The following CRPPA variants were observed in gnomAD, a reference collection of about 807,000 sequenced individuals.
CRPPA encodes CDP-L-ribitol pyrophosphorylase A.
Under a neutral mutation model 52.0 loss-of-function variants are expected in CRPPA, and 43 were observed. The ratio of observed to expected loss-of-function variants is 0.83; its 90% confidence interval spans 0.65 to 1.07. The LOEUF is 1.07. Among genes scored for constraint, CRPPA ranks in the 50% least tolerant of loss-of-function variants. CRPPA has a pLI of 0.00. For missense variants in CRPPA, 629 were observed against 551.7 expected (o/e 1.14, Z -1.40); for synonymous variants, 250 against 203.5 (o/e 1.23, Z -1.94).
chr7:16,238,604 G>T (rs1783014037), intron 8 of CRPPA, among the ~76,000 whole-genome samples: 1 of 152,066 alleles, frequency 6.6e-6, no homozygotes, highest in South Asian at 2.1e-4. Flanking sequence ...AGGAGGATAA[G>T]AAATGGACAA....
At chr7:16,187,058 TTTA>T (rs1408067821) in intron 9 of CRPPA, among the ~76,000 whole-genome samples, 4 of 152,160 alleles carry the variant, frequency 2.6e-5, no homozygotes, top group African/African-American at 7.2e-5. Context: ...TTTTAATAAT[TTTA>T]TTTTTATTAA....
chr7:16,098,374 G>A (rs1203555116), intron 9 of CRPPA, among the ~76,000 whole-genome samples: 2 of 152,118 alleles, frequency 1.3e-5, no homozygotes, highest in African/African-American at 4.8e-5. Context: ...GTTTCTTTAA[G>A]GGTAAACATT....
chr7:16,193,585 T>C (rs1022728559), intron 9 of CRPPA, among the ~76,000 whole-genome samples: 1 of 152,112 alleles, frequency 6.6e-6, no homozygotes, highest in Admixed American at 6.6e-5. Flanking sequence ...TATTTTAAGT[T>C]TCTGCTCATA....
At chr7:16,242,774 A>T (rs1227190241) in intron 8 of CRPPA, among the ~76,000 whole-genome samples, 1 of 152,208 alleles carries the variant, frequency 6.6e-6, no homozygotes, top group Non-Finnish European at 1.5e-5. Context: ...CCAATTAAAA[A>T]AAAATTTTTT....
At chr7:16,327,665 A>G (rs1469929166) in intron 3 of CRPPA, among the ~76,000 whole-genome samples, 1 of 151,336 alleles carries the variant, frequency 6.6e-6, no homozygotes, top group Non-Finnish European at 1.5e-5. Context: ...GGAGATACAC[A>G]TGCTCTTCCC....
intron 3 of CRPPA, among the ~76,000 whole-genome samples, chr7:16,342,772 A>AT (rs372907234): frequency 1.9e-4 from 7 of 36,710 alleles, no homozygotes; most frequent in East Asian, 1.5e-3. Context: ...ACAAAAAAAA[A>AT]AAAAAAAAAA....
chr7:16,390,963 T>C (rs546226984), intron 2 of CRPPA, among the ~76,000 whole-genome samples: 11 of 152,292 alleles, frequency 7.2e-5, no homozygotes, highest in African/African-American at 2.6e-4. Context: ...ATAAATTTTA[T>C]TTAACACAAT....
Position 16,376,402 on chromosome 7 carries a change from C to T in CRPPA, c.535-161G>A, listed in dbSNP as rs188286798. ...GTGATTGGTTCAAAAATGGTTATTT[C>T]AGGTAAAAAAAATCAATTTTGTAGT... On this transcript the variant is annotated intron_variant, in intron 2 of 9. Transcript: ENST00000407010. Among the ~76,000 whole-genome samples the T allele has an allele frequency of 2.7e-3, 416 of 152,030 alleles. 4 individuals are homozygous for T. Among genetic ancestry groups the T allele is most frequent in the African/African-American group, 9.3e-3 (385 of 41,420 alleles).
chr7:16,093,326 C>T (rs1008564986), intron 9 of CRPPA, among the ~76,000 whole-genome samples: 1 of 152,136 alleles, frequency 6.6e-6, no homozygotes, highest in Non-Finnish European at 1.5e-5. Flanking sequence ...ACTGCAATTG[C>T]TTACCTTCTT....
At chr7:16,202,831 T>A (rs1781889365) in intron 9 of CRPPA, among the ~76,000 whole-genome samples, 1 of 152,072 alleles carries the variant, frequency 6.6e-6, no homozygotes, top group African/African-American at 2.4e-5. Flanking sequence ...TATGGTAGAG[T>A]AGTAGTTCTC....
chr7:16,120,165 ATCAAACTG>A, intron 9 of CRPPA, among the ~76,000 whole-genome samples: 1 of 152,216 alleles, frequency 6.6e-6, no homozygotes, highest in Non-Finnish European at 1.5e-5. Flanking sequence ...CTTCTCCTTG[ATCAAACTG>A]TAATCAGGCT....
In CRPPA at chr7:16,421,067, T is replaced by C. The variant is rs397514548; in HGVS notation, c.256A>G (p.Arg86Gly). The C allele has an allele frequency of 7.9e-7, 1 of 1,266,660 alleles. No homozygotes were observed. The highest frequency in any genetic ancestry group is 1.0e-6 in the Non-Finnish European group (1 of 998,636). The allele number at this position is 1,266,660 out of a possible 1,614,324, so 78.5% of individuals were successfully genotyped here. The change falls in exon 1 of 10, where the codon AGA becomes GGA. Residue 86 changes from arginine (R) to glycine (G), a missense_variant and splice_region_variant. By Grantham distance (125) the Arg-to-Gly change is moderately radical. Transcript: ENST00000407010. ...LISYTLQALERVCWIKDIVVA... is the reference protein window; with the variant it reads ...LISYTLQALEGVCWIKDIVVA... The stretch of plus-strand genomic sequence containing the variant: ...GGGGCGCGCCCGGCGCCGCATTACC[T>C]CTCCAGGGCCTGTAGGGTGTAGCTG...
chr7:16,146,708 A>G (rs1273526118), intron 9 of CRPPA, among the ~76,000 whole-genome samples: 2 of 152,164 alleles, frequency 1.3e-5, no homozygotes, highest in Non-Finnish European at 2.9e-5. Context: ...TGTTATACCT[A>G]TAAGATGTTT....
rs545663821 is a variant in CRPPA at position 16,303,477 on chromosome 7, T to TAAAAAAAAAA, written c.790-2021_790-2012dup. Among the ~76,000 whole-genome samples the TAAAAAAAAAA allele has an allele frequency of 7.0e-3, 312 of 44,814 alleles. 2 individuals are homozygous for TAAAAAAAAAA. The highest frequency in any genetic ancestry group is 0.013 in the East Asian group (12 of 940). 29.4% of individuals were successfully genotyped at this position (44,814 alleles called of 152,430 possible). ...GTTTCTGTGTTGAGACATAAAATAGTAAAAAAAAAAAAAAAAAAAAAAAAA... is the reference window on the plus strand; with the variant it reads ...GTTTCTGTGTTGAGACATAAAATAGTAAAAAAAAAAAAAAAAAAAAAAAAAAAAAAAAAAA... On this transcript the variant is annotated intron_variant, in intron 4 of 9. Transcript: ENST00000407010.
chr7:16,366,795 T>TAA (rs55913250), intron 3 of CRPPA, among the ~76,000 whole-genome samples: 2 of 119,490 alleles, frequency 1.7e-5, no homozygotes, highest in African/African-American at 6.1e-5. Flanking sequence ...GGGAGAAAAA[T>TAA]AAAAAAAAAA....
intron 3 of CRPPA, among the ~76,000 whole-genome samples, chr7:16,317,262 G>A (rs1785162725): frequency 6.6e-6 from 1 of 152,140 alleles, no homozygotes; most frequent in South Asian, 2.1e-4. Flanking sequence ...TTGGGGAATG[G>A]AAGATAAAAG....
rs77016645 is a variant in CRPPA, at chr7:16,361,832, A to G, written c.684+14260T>C. Among the ~76,000 whole-genome samples the G allele has an allele frequency of 5.9e-3, 888 of 151,400 alleles. 8 individuals carry two copies. The highest frequency in any genetic ancestry group is 0.02 in the African/African-American group (822 of 41,254). On this transcript the variant is annotated intron_variant, in intron 3 of 9. Coordinates refer to ENST00000407010, the MANE Select transcript of CRPPA (RefSeq NM_001101426.4). The stretch of plus-strand genomic sequence containing the variant: ...TAATTAAAATCGTAAATTTAGTTAT[A>G]TATTTCATCACAAGTTTACAAAGTA...
intron 9 of CRPPA, among the ~76,000 whole-genome samples, chr7:16,096,050 G>T (rs976877388): frequency 6.6e-6 from 1 of 152,134 alleles, no homozygotes; most frequent in African/African-American, 2.4e-5. Flanking sequence ...TATCTGAAAA[G>T]CCATGACTAC....
At chr7:16,391,955 C>G (rs1312935617) in intron 2 of CRPPA, among the ~76,000 whole-genome samples, 1 of 152,088 alleles carries the variant, frequency 6.6e-6, no homozygotes, top group African/African-American at 2.4e-5. Context: ...AAGATGAGGT[C>G]AAACCAAATC....
Sources: gnomAD v4.1 joint callset for allele counts (sites outside exome capture counted in the v4.1 genomes callset) on GRCh38, gnomAD v4.1.1 for gene constraint, MANE v1.5 for transcripts, NCBI Gene and HGNC (gene_info 2026-07-23, HGNC 2026-07-21) for gene names.